SPAG9: variants seen among roughly 807,000 people sequenced by gnomAD.
SPAG9 encodes C-Jun-amino-terminal kinase-interacting protein 4.
SPAG9 carries 35 observed loss-of-function variants against 166.5 expected under a neutral mutation model. The observed-to-expected ratio is 0.21, with a 90% confidence interval of 0.16 to 0.28. The LOEUF (loss-of-function observed/expected upper bound fraction) is 0.28, where lower values mean the gene tolerates loss of function less well. Ranked by LOEUF, SPAG9 falls within the 10% of genes least tolerant of loss-of-function variation. SPAG9 has a pLI of 1.00. For synonymous variants in SPAG9, 534 were observed against 565.5 expected (o/e 0.94, Z 0.79); for missense variants, 1,235 against 1,603.3 (o/e 0.77, Z 3.92).
intron 1 of SPAG9, among the ~76,000 whole-genome samples, chr17:51,097,485 G>GC (rs1307575454): frequency 6.6e-6 from 1 of 152,088 alleles, no homozygotes; most frequent in Non-Finnish European, 1.5e-5. Context: ...TTCAAGATCA[G>GC]CCTGGGCAAC....
intron 24 of SPAG9, among the ~76,000 whole-genome samples, chr17:50,982,914 T>G (rs1418191603): frequency 6.6e-6 from 1 of 152,180 alleles, no homozygotes; most frequent in Non-Finnish European, 1.5e-5. Context: ...CTTTAAAACA[T>G]GCTCACAAAA....
intron 1 of SPAG9, among the ~76,000 whole-genome samples, chr17:51,095,075 C>T (rs1176357316): frequency 6.7e-6 from 1 of 149,618 alleles, no homozygotes; most frequent in Non-Finnish European, 1.5e-5. Flanking sequence ...GTGCATGGAT[C>T]ACGAGGTCAG....
intron 1 of SPAG9, among the ~76,000 whole-genome samples, chr17:51,087,760 G>A (rs961380230): frequency 3.9e-5 from 6 of 152,034 alleles, no homozygotes; most frequent in African/African-American, 1.2e-4. Flanking sequence ...TTAGAGATGA[G>A]GTGTTGTTCT....
At chr17:51,004,691 C>T (rs1280780550) in intron 12 of SPAG9, among the ~76,000 whole-genome samples, 4 of 152,100 alleles carry the variant, frequency 2.6e-5, no homozygotes, top group Non-Finnish European at 5.9e-5. Flanking sequence ...GATCGCAGAA[C>T]TGCACTCCAG....
chr17:51,066,554 CAA>C (rs1297678240), intron 2 of SPAG9, among the ~76,000 whole-genome samples: 1 of 21,336 alleles, frequency 4.7e-5, no homozygotes, highest in Non-Finnish European at 9.9e-5. Context: ...GACTCTGTCT[CAA>C]AAAAAAAAAA....
chr17:51,051,485 C>T (rs1568042273), intron 3 of SPAG9, among the ~76,000 whole-genome samples: 2 of 151,680 alleles, frequency 1.3e-5, no homozygotes, highest in Non-Finnish European at 2.9e-5. Context: ...TTCGGAAGGC[C>T]GGGACGGGCA....
chr17:50,979,849 C>T lies in SPAG9; in HGVS notation c.3306G>A (p.Val1102=), dbSNP rs1597897119. ...TAGAATCCAAGCGAATGGAGACCCA[C>T]ACGCCATCCCCCACCCACGCAAGCT... ...VRQLAWVGDG[V]WVSIRLDSTL... The change falls in exon 26 of 30, where the codon GTG becomes GTA. Residue 1102 remains valine, a synonymous_variant. Transcript: ENST00000262013. 1 of 1,614,158 alleles carries T rather than the reference C, an allele frequency of 6.2e-7. No individual in the cohort carries two copies. The highest frequency in any genetic ancestry group is 2.2e-5 in the East Asian group (1 of 44,884).
At chr17:51,016,070 T>C (rs1398281815) in intron 8 of SPAG9, among the ~76,000 whole-genome samples, 1 of 152,104 alleles carries the variant, frequency 6.6e-6, no homozygotes, top group Admixed American at 6.6e-5. Flanking sequence ...AACAACACCC[T>C]GAACTCAGCA....
chr17:51,061,851 A>G (rs934868120), intron 2 of SPAG9, among the ~76,000 whole-genome samples: 5 of 152,058 alleles, frequency 3.3e-5, no homozygotes, highest in African/African-American at 1.2e-4. Context: ...CTAACCCATC[A>G]GGGTTACTTT....
chr17:51,075,585 G>GGGC (rs1568063874), intron 2 of SPAG9, among the ~76,000 whole-genome samples: 2 of 152,016 alleles, frequency 1.3e-5, no homozygotes. Flanking sequence ...AGCATTTGGG[G>GGGC]GGCCAAGGTG....
Position 51,120,286 on chromosome 17 carries a change from G to A in SPAG9, c.303+68C>T, listed in dbSNP as rs2049439728. The A allele has an allele frequency of 8.1e-7, 1 of 1,228,576 alleles. No homozygotes were observed. Among genetic ancestry groups the A allele is most frequent in the Non-Finnish European group, 1.0e-6 (1 of 981,020 alleles). 76.1% of individuals were successfully genotyped at this position (1,228,576 alleles called of 1,614,324 possible). A position where few individuals can be genotyped will look rare whatever the true frequency, so the allele number is the denominator to read the frequency against. On this transcript the variant is annotated intron_variant, in intron 1 of 29. Transcript: ENST00000262013. The surrounding 1 kb of genome is among the most constrained non-coding windows in gnomAD (Gnocchi z 4.7). ...CCGTCGCGCCTCTAGTCCCCGACCGGGCCGCGACCCCGCCCCGGCCGCCCC... is the reference window on the plus strand; with the variant it reads ...CCGTCGCGCCTCTAGTCCCCGACCGAGCCGCGACCCCGCCCCGGCCGCCCC...
At chr17:51,033,271 A>C (rs1279402227) in intron 5 of SPAG9, among the ~76,000 whole-genome samples, 1 of 151,234 alleles carries the variant, frequency 6.6e-6, no homozygotes, top group Non-Finnish European at 1.5e-5. Context: ...AGCTCTCTCT[A>C]TATAAAAGTA....
intron 8 of SPAG9, 39 bp from the exon 9 acceptor site, chr17:51,014,392 CAA>C (rs2045613810): frequency 6.4e-7 from 1 of 1,574,128 alleles, no homozygotes; most frequent in South Asian, 1.2e-5. Context: ...CAACAAATGA[CAA>C]AGACTTTTTT....
chr17:51,093,616 A>C (rs1378345343), intron 1 of SPAG9, among the ~76,000 whole-genome samples: 1 of 144,986 alleles, frequency 6.9e-6, no homozygotes, highest in Non-Finnish European at 1.5e-5. Context: ...AATGGCGTGA[A>C]CCCAGGAGAT....
rs1404353955 is a variant in SPAG9, at chr17:51,104,582, G to C, written c.303+15772C>G. On this transcript the variant is annotated intron_variant, in intron 1 of 29. Coordinates refer to ENST00000262013, the MANE Select transcript of SPAG9 (RefSeq NM_001130528.3). ...ACCCGGGAGGTGGAGGTGATGGCGA[G>C]GCGAGTTCACACCATTGCACTCCAG... is the stretch of plus-strand genomic sequence containing the variant. 2.0e-5 allele frequency among the ~76,000 whole-genome samples: 3 copies of C among 152,026 alleles called. No individual in the cohort carries two copies. The South Asian group carries it at 6.2e-4, about 32-fold the overall frequency.
At chr17:51,118,513 G>C (rs1194129113) in intron 1 of SPAG9, among the ~76,000 whole-genome samples, 1 of 152,136 alleles carries the variant, frequency 6.6e-6, no homozygotes, top group Admixed American at 6.6e-5. Flanking sequence ...TTTATTTTAC[G>C]TGAGGTAAAA....
chr17:51,066,235 C>T (rs2047660152), intron 2 of SPAG9, among the ~76,000 whole-genome samples: 1 of 151,878 alleles, frequency 6.6e-6, no homozygotes, highest in South Asian at 2.1e-4. Context: ...GTGATCCTCC[C>T]AAGCAGTTGG....
chr17:51,001,304 G>C (rs1315904158), intron 13 of SPAG9, among the ~76,000 whole-genome samples: 1 of 152,100 alleles, frequency 6.6e-6, no homozygotes, highest in Non-Finnish European at 1.5e-5. Context: ...GGGTGTACTT[G>C]GCATGAACAG....
At chr17:51,044,732 C>T (rs2046959693) in intron 4 of SPAG9, among the ~76,000 whole-genome samples, 1 of 152,132 alleles carries the variant, frequency 6.6e-6, no homozygotes, top group Non-Finnish European at 1.5e-5. Flanking sequence ...AGATTTTAGG[C>T]ACTAGTAATT....
Sources: allele counts gnomAD v4.1 joint callset (sites outside exome capture counted in the v4.1 genomes callset), GRCh38; gene constraint gnomAD v4.1.1; non-coding constraint Gnocchi (gnomAD v3.1); transcripts MANE v1.5; gene names NCBI Gene and HGNC (gene_info 2026-07-23, HGNC 2026-07-21).